TANGO6: variants seen among roughly 807,000 people sequenced by gnomAD.
TANGO6 encodes transport and Golgi organization protein 6 homolog.
Under a neutral mutation model 114.2 loss-of-function variants are expected in TANGO6, and 90 were observed. That is an observed-to-expected ratio of 0.79 (90% CI 0.66 to 0.94). The LOEUF (loss-of-function observed/expected upper bound fraction) is 0.94, where lower values mean the gene tolerates loss of function less well. TANGO6 is among the 40% of genes least tolerant of loss of function. The pLI is 0.00. For synonymous variants in TANGO6, 477 were observed against 509.8 expected, an observed-to-expected ratio of 0.94 and a Z score of 0.87; for missense variants, 1,274 against 1,315.3, an observed-to-expected ratio of 0.97 and a Z score of 0.49.
chr16:68,966,257 C>T (rs1185264770), intron 14 of TANGO6, among the ~76,000 whole-genome samples: 1 of 151,928 alleles, frequency 6.6e-6, no homozygotes, highest in East Asian at 1.9e-4. Context: ...GCTGCAGTGG[C>T]TCACGCCTGT....
chr16:68,884,974 A>T (rs928751253), intron 7 of TANGO6, among the ~76,000 whole-genome samples: 1 of 152,246 alleles, frequency 6.6e-6, no homozygotes, highest in Non-Finnish European at 1.5e-5. Context: ...AAGGGTAATT[A>T]TTCTCTCTGC....
chr16:68,954,092 A>G lies in TANGO6; in HGVS notation c.2702-19936A>G, dbSNP rs138575037. Reference sequence around the variant, plus strand: ...TCGTCTCTACTAAAAATACAAAAAAAAAGAAAAGTTAGCTGGGTGTGGTGG... The same window carrying G: ...TCGTCTCTACTAAAAATACAAAAAAGAAGAAAAGTTAGCTGGGTGTGGTGG... On this transcript the variant is annotated intron_variant, in intron 14 of 17. Transcript: ENST00000261778. Among the ~76,000 whole-genome samples the G allele has an allele frequency of 5.1e-3, 778 of 151,766 alleles. 6 individuals carry two copies. The highest frequency in any genetic ancestry group is 0.017 in the African/African-American group (707 of 41,434).
intron 15 of TANGO6, among the ~76,000 whole-genome samples, chr16:68,980,435 A>ATATATTTTT (rs1317961639): frequency 2.8e-4 from 17 of 61,770 alleles, no homozygotes; most frequent in Admixed American, 6.1e-4. Context: ...ATATATATAT[A>ATATATTTTT]TTTTTTTTTT....
intron 1 of TANGO6, among the ~76,000 whole-genome samples, chr16:68,845,815 G>A (rs1029614588): frequency 1.3e-5 from 2 of 152,018 alleles, no homozygotes; most frequent in Non-Finnish European, 2.9e-5. Context: ...AGTGTGCTCC[G>A]GCCTTGGGTG....
intron 16 of TANGO6, among the ~76,000 whole-genome samples, chr16:69,039,164 G>A (rs993359221): frequency 4.6e-5 from 7 of 151,356 alleles, no homozygotes; most frequent in Non-Finnish European, 7.4e-5. Flanking sequence ...CAGCCTGGGC[G>A]ACAGAGTGAG....
intron 16 of TANGO6, among the ~76,000 whole-genome samples, chr16:69,025,468 C>T (rs1456443437): frequency 3.3e-5 from 5 of 151,920 alleles, no homozygotes; most frequent in Non-Finnish European, 7.4e-5. Flanking sequence ...TGTGAGTATG[C>T]AAAAAAGGTT....
intron 9 of TANGO6, 36 bp downstream of exon 9, chr16:68,902,540 T>G (rs1278413384): frequency 2.6e-6 from 4 of 1,536,152 alleles, no homozygotes; most frequent in Non-Finnish European, 2.6e-6. Context: ...CTCTTCAGAT[T>G]TAGTTCCGCC....
At chr16:68,912,295 C>T (rs535832480) in intron 11 of TANGO6, among the ~76,000 whole-genome samples, 9 of 152,084 alleles carry the variant, frequency 5.9e-5, no homozygotes, top group South Asian at 2.1e-4. Flanking sequence ...CCCACGAGTT[C>T]GAGACCAGCC....
At chr16:68,877,830 G>T (rs1052334131) in intron 5 of TANGO6, among the ~76,000 whole-genome samples, 2 of 151,964 alleles carry the variant, frequency 1.3e-5, no homozygotes, top group Non-Finnish European at 2.9e-5. Flanking sequence ...GGATGGTCTC[G>T]ATCTCCTGAC....
At chr16:68,881,225 G>A (rs1433381729) in intron 7 of TANGO6, among the ~76,000 whole-genome samples, 1 of 152,206 alleles carries the variant, frequency 6.6e-6, no homozygotes, top group Non-Finnish European at 1.5e-5. Flanking sequence ...TGAAGAAGTT[G>A]ACATGGAGCC....
intron 17 of TANGO6, among the ~76,000 whole-genome samples, chr16:69,060,618 A>C (rs72789214): frequency 0.088 from 13,329 of 151,962 alleles, 660 homozygotes; most frequent in South Asian, 0.18. Flanking sequence ...AAAAAGAAAA[A>C]AAAAAGAGGC....
intron 14 of TANGO6, chr16:68,973,809 G>C (rs910750681): frequency 5.3e-6 from 3 of 563,704 alleles, no homozygotes; most frequent in Middle Eastern, 4.8e-4. Flanking sequence ...CTTAGAGATC[G>C]TATCAGGCTG....
Position 69,068,000 on chromosome 16 carries a change from G to A in TANGO6, c.3109-15485G>A, listed in dbSNP as rs367905075. Among the ~76,000 whole-genome samples the A allele has an allele frequency of 9.9e-5, 15 of 150,884 alleles. No individual in the cohort carries two copies. The East Asian group carries it at 2.9e-3, about 29-fold the overall frequency. ...TACTAAAAATACAAAAATTAGCCAG[G>A]CATGGTGGCACATGCCTGTAGTCCC... On this transcript the variant is annotated intron_variant, in intron 17 of 17. Transcript: ENST00000261778.
intron 15 of TANGO6, among the ~76,000 whole-genome samples, chr16:69,015,654 T>G (rs1959283542): frequency 6.6e-6 from 1 of 151,828 alleles, no homozygotes; most frequent in African/African-American, 2.4e-5. Context: ...GATAATTTTT[T>G]GTATTTTTAA....
At chr16:69,054,719 G>T (rs1464318998) in intron 17 of TANGO6, among the ~76,000 whole-genome samples, 1 of 151,620 alleles carries the variant, frequency 6.6e-6, no homozygotes, top group Non-Finnish European at 1.5e-5. Flanking sequence ...GGATCACGAG[G>T]TCAGGAGATC....
At chr16:69,013,761 A>G (rs1173731505) in intron 15 of TANGO6, among the ~76,000 whole-genome samples, 1 of 151,446 alleles carries the variant, frequency 6.6e-6, no homozygotes, top group African/African-American at 2.4e-5. Flanking sequence ...GGCTCAAGCA[A>G]TTCTCGTGCC....
chr16:68,849,494 AAAAC>A (rs1240516342), intron 1 of TANGO6, among the ~76,000 whole-genome samples: 3 of 152,112 alleles, frequency 2.0e-5, no homozygotes, highest in African/African-American at 7.2e-5. Flanking sequence ...GAAATTAAAA[AAAAC>A]AAAATACAGA....
chr16:69,056,123 G>A (rs115254885), intron 17 of TANGO6, among the ~76,000 whole-genome samples: 1,981 of 152,214 alleles, frequency 0.013, 47 homozygotes, highest in African/African-American at 0.045. Context: ...AGTTATAAAT[G>A]TTCAACCTTT....
At chr16:68,867,493 G>A (rs1206632215) in intron 4 of TANGO6, 2 of 314,404 alleles carry the variant, frequency 6.4e-6, no homozygotes, top group Middle Eastern at 9.4e-4. Context: ...TACTATCTGG[G>A]GAAAACATTA....
Sources: gnomAD v4.1 joint callset for allele counts (sites outside exome capture counted in the v4.1 genomes callset) on GRCh38, gnomAD v4.1.1 for gene constraint, MANE v1.5 for transcripts, NCBI Gene and HGNC (gene_info 2026-07-23, HGNC 2026-07-21) for gene names.